The following TXNDC5 variants were observed in gnomAD, a reference collection of about 807,000 sequenced individuals.
TXNDC5 encodes thioredoxin domain containing 5, also known as thioredoxin domain-containing protein 5.
Under a neutral mutation model 52.6 loss-of-function variants are expected in TXNDC5, and 44 were observed. The observed-to-expected ratio is 0.84, with a 90% CI of 0.66 to 1.08. The LOEUF (loss-of-function observed/expected upper bound fraction) is 1.08, where lower values mean the gene tolerates loss of function less well. Ranked by LOEUF, TXNDC5 falls within the 50% of genes least tolerant of loss-of-function variation. TXNDC5 has a pLI of 0.00. For missense variants in TXNDC5, 600 were observed against 565.5 expected (o/e 1.06, Z -0.62); for synonymous variants, 241 against 234.4 (o/e 1.03, Z -0.26).
At chr6:7,906,557 A>AAAAAAAAAAC (rs1561816188) in intron 1 of TXNDC5, among the ~76,000 whole-genome samples, 48 of 133,508 alleles carry the variant, frequency 3.6e-4, no homozygotes, top group African/African-American at 1.6e-3. Context: ...AAAAAAAAAA[A>AAAAAAAAAAC]GAAAAACAGA....
intron 8 of TXNDC5, among the ~76,000 whole-genome samples, chr6:7,885,307 C>T (rs1178327512): frequency 6.6e-6 from 1 of 152,088 alleles, no homozygotes; most frequent in Non-Finnish European, 1.5e-5. Context: ...TTTGTGAAGA[C>T]AAAAAGTTAC....
rs538853468 is a variant in TXNDC5, at chr6:7,910,766, C to G, written c.11G>C (p.Arg4Pro). Residue 4 changes from arginine to proline, a missense_variant, in exon 1 of 10, where the codon CGC (arginine) becomes CCC (proline). Transcript: ENST00000379757. Reference protein sequence around the residue: MPARPGRLLPLLAR... With the variant: MPAPPGRLLPLLAR... ...CAGCAGCGGGAGGAGGCGTCCTGGG[C>G]GCGCGGGCATCGCGGCGGGGCTGGG... 5.0e-6 allele frequency: 5 copies of G among 995,470 alleles called. No homozygotes were observed. The highest frequency in any genetic ancestry group is 6.0e-6 in the Non-Finnish European group (5 of 838,834). The allele number at this position is 995,470 out of a possible 1,614,324, so 61.7% of individuals were successfully genotyped here. A position where few individuals can be genotyped will look rare whatever the true frequency, so the allele number is the denominator to read the frequency against.
chr6:7,884,079 C>A (rs1212453852), intron 9 of TXNDC5, among the ~76,000 whole-genome samples: 1 of 152,214 alleles, frequency 6.6e-6, no homozygotes, highest in Non-Finnish European at 1.5e-5. Context: ...GCCCCACAGT[C>A]TATGGCGTGG....
Position 7,898,294 on chromosome 6 carries a change from G to T in TXNDC5, c.519+1282C>A, listed in dbSNP as rs564790785. ...TGGTCTTGAACTCTTGACCTTGGGT[G>T]ATCCACCCGCCTCAGCCTCCCAAAG... On this transcript the variant is annotated intron_variant, in intron 3 of 9. Transcript: ENST00000379757. Among the ~76,000 whole-genome samples the T allele has an allele frequency of 1.8e-4, 28 of 152,330 alleles. 1 individual carries two copies. In the South Asian group the frequency reaches 4.6e-3, roughly 25 times the overall value.
chr6:7,906,544 AAAAAAAAAAAAAAG>A (rs1004938050), intron 1 of TXNDC5, among the ~76,000 whole-genome samples: 3 of 149,876 alleles, frequency 2.0e-5, no homozygotes, highest in Non-Finnish European at 3.0e-5. Flanking sequence ...TCAAAAAAAA[AAAAAAAAAAAAAAG>A]AAAAACAGAC....
In TXNDC5 at chr6:7,884,254, T is replaced by C. The variant is rs1759875329; in HGVS notation, c.1176+105A>G. ...ACTCAAAGGGACATAAAAACCACAT[T>C]GTTGAGAAGATGAGAGCAGAGTGAG... On this transcript the variant is annotated intron_variant, in intron 9 of 9. Coordinates refer to ENST00000379757, the MANE Select transcript of TXNDC5 (RefSeq NM_030810.5). 4.8e-6 allele frequency: 7 copies of C among 1,468,836 alleles called. No homozygotes were observed. In the Admixed American group the frequency reaches 1.4e-4, roughly 28 times the overall value. The allele number at this position is 1,468,836 out of a possible 1,614,324, so 91.0% of individuals were successfully genotyped here.
intron 5 of TXNDC5, among the ~76,000 whole-genome samples, chr6:7,890,588 A>G (rs1004005008): frequency 6.6e-6 from 1 of 152,236 alleles, no homozygotes; most frequent in African/African-American, 2.4e-5. Context: ...GGGGTAAGAC[A>G]GTAGACAAGA....
At chr6:7,891,777 CTG>C (rs1437334101) in intron 4 of TXNDC5, 41 bp from the exon 5 acceptor site, 1 of 1,444,692 alleles carries the variant, frequency 6.9e-7, no homozygotes, top group Non-Finnish European at 9.7e-7. Flanking sequence ...GAAAGAGGAA[CTG>C]TAATTTATGT....
intron 4 of TXNDC5, among the ~76,000 whole-genome samples, chr6:7,893,076 A>G (rs1300930751): frequency 6.6e-6 from 1 of 152,186 alleles, no homozygotes; most frequent in Non-Finnish European, 1.5e-5. Flanking sequence ...AAAAAATGAA[A>G]CATCACCCCC....
chr6:7,904,775 TG>T, intron 1 of TXNDC5, 52 bp from the exon 2 acceptor site: 1 of 1,611,274 alleles, frequency 6.2e-7, no homozygotes, highest in Non-Finnish European at 8.5e-7. Flanking sequence ...ACAGGGCAGC[TG>T]GCCCACAACT....
chr6:7,910,694 T>C lies in TXNDC5; in HGVS notation c.83A>G (p.His28Arg). Residue 28 changes from histidine to arginine, a missense_variant, in exon 1 of 10, where the codon CAT becomes CGT. Physicochemically the swap from His to Arg is conservative, Grantham distance 29 (BLOSUM62 0). Transcript: ENST00000379757. ...GGCGCCCCAGCGCCCGCCGCCGCCA[T>C]GGCCCAGCAGCAGCAGCAGCAGCGC... The part of the protein sequence containing the change: ...LTALLLLLLG[H>R]GGGGRWGARA... 3 of 1,104,954 alleles carry C rather than the reference T, an allele frequency of 2.7e-6. No homozygotes were observed. The highest frequency in any genetic ancestry group is 2.2e-6 in the Non-Finnish European group (2 of 908,636). 68.4% of individuals were successfully genotyped at this position (1,104,954 alleles called of 1,614,324 possible). A position where few individuals can be genotyped will look rare whatever the true frequency, so the allele number is the denominator to read the frequency against.
chr6:7,885,864 C>A, intron 8 of TXNDC5, 97 bp downstream of exon 8: 2 of 1,062,976 alleles, frequency 1.9e-6, no homozygotes, highest in South Asian at 3.1e-5. Context: ...GTAACATGTG[C>A]CCAACATTGA....
intron 1 of TXNDC5, among the ~76,000 whole-genome samples, chr6:7,908,815 G>A (rs1449571230): frequency 1.3e-5 from 2 of 152,110 alleles, no homozygotes; most frequent in African/African-American, 4.8e-5. Context: ...TTCAGGCTGG[G>A]TAACAGAGCA....
At chr6:7,893,114 C>A (rs943562775) in intron 4 of TXNDC5, among the ~76,000 whole-genome samples, 2 of 152,190 alleles carry the variant, frequency 1.3e-5, no homozygotes, top group African/African-American at 4.8e-5. Context: ...AACAAACAAA[C>A]CCTCACAGCA....
intron 1 of TXNDC5, among the ~76,000 whole-genome samples, chr6:7,909,391 C>T (rs993364104): frequency 6.6e-6 from 1 of 152,208 alleles, no homozygotes; most frequent in Non-Finnish European, 1.5e-5. Context: ...GTGGTCACTT[C>T]CCTTCCTCGG....
chr6:7,910,466 CCGCGAAG>C, intron 1 of TXNDC5, 41 bp downstream of exon 1: 1 of 1,361,216 alleles, frequency 7.3e-7, no homozygotes. Context: ...GCCCCACGCC[CCGCGAAG>C]CGCCAAGTGC....
At chr6:7,887,169 A>AG (rs1043578804) in intron 7 of TXNDC5, among the ~76,000 whole-genome samples, 1 of 152,168 alleles carries the variant, frequency 6.6e-6, no homozygotes, top group African/African-American at 2.4e-5. Context: ...ACAGGGTTGT[A>AG]GGGGTGAGGA....
At chr6:7,903,215 G>A (rs1760624458) in intron 2 of TXNDC5, among the ~76,000 whole-genome samples, 1 of 152,212 alleles carries the variant, frequency 6.6e-6, no homozygotes, top group African/African-American at 2.4e-5. Context: ...TCTTTGGGAT[G>A]CTCTTGATCC....
intron 2 of TXNDC5, among the ~76,000 whole-genome samples, chr6:7,903,544 A>G (rs1433279314): frequency 6.6e-6 from 1 of 152,198 alleles, no homozygotes; most frequent in African/African-American, 2.4e-5. Flanking sequence ...CTGGGTGGTA[A>G]GTAAATGGTA....
Sources: allele counts gnomAD v4.1 joint callset (sites outside exome capture counted in the v4.1 genomes callset), GRCh38; gene constraint gnomAD v4.1.1; transcripts MANE v1.5; gene names NCBI Gene and HGNC (gene_info 2026-07-23, HGNC 2026-07-21).